Variants in ALOXE3 observed in about 807,000 individuals in gnomAD.
The protein encoded by ALOXE3 is arachidonate epidermal lipoxygenase 3.
ALOXE3 carries 78 observed loss-of-function variants against 87.5 expected under a neutral mutation model. The ratio of observed to expected loss-of-function variants is 0.89; its 90% CI spans 0.74 to 1.08. The LOEUF is 1.08. Among genes scored for constraint, ALOXE3 ranks in the 50% least tolerant of loss-of-function variants. The probability of loss-of-function intolerance (pLI) is 0.00; values close to 1 mark genes in which losing one functional copy is unlikely to be tolerated. For synonymous variants in ALOXE3, 363 were observed against 370.8 expected (o/e 0.98, Z 0.24); for missense variants, 946 against 912.4 (o/e 1.04, Z -0.47).
At chr17:8,118,791 A>G (rs1223139599), upstream of ALOXE3, 6 of 1,536,940 alleles carry the variant, frequency 3.9e-6, no homozygotes, top group African/African-American at 4.1e-5. Flanking sequence ...TTTCCGCTCC[A>G]GGACCGCCCT....
chr17:8,097,209 A>G (rs756411012), intron 15 of ALOXE3, among the ~76,000 whole-genome samples: 16 of 152,102 alleles, frequency 1.1e-4, no homozygotes, highest in Non-Finnish European at 2.2e-4. Flanking sequence ...AGCCCACTGC[A>G]GCCTCAAACT....
At chr17:8,118,901 C>T, upstream of ALOXE3, 1 of 1,473,228 alleles carries the variant, frequency 6.8e-7, no homozygotes, top group Non-Finnish European at 8.9e-7. Flanking sequence ...CGCAGCGGCC[C>T]CGCGCGGCCG....
At chr17:8,108,697 G>C in intron 12 of ALOXE3, 108 bp from the exon 13 acceptor site, 1 of 1,498,826 alleles carries the variant, frequency 6.7e-7, no homozygotes, top group South Asian at 1.1e-5. Context: ...TAGCCATGGG[G>C]GTTCAGCAGG....
intron 6 of ALOXE3, 88 bp downstream of exon 6, chr17:8,114,396 A>C: frequency 6.3e-7 from 1 of 1,579,338 alleles, no homozygotes; most frequent in Admixed American, 1.7e-5. Context: ...GGATACTGGG[A>C]ATAGGGAGAA....
intron 7 of ALOXE3, 61 bp from the exon 8 acceptor site, chr17:8,111,592 C>G: frequency 6.4e-7 from 1 of 1,572,420 alleles, no homozygotes; most frequent in Non-Finnish European, 8.7e-7. Flanking sequence ...CCTAGTCCTG[C>G]CAAGTCCTTT....
intron 13 of ALOXE3, among the ~76,000 whole-genome samples, chr17:8,107,875 A>G (rs867728906): frequency 0.023 from 77 of 3,308 alleles, 3 homozygotes; most frequent in Non-Finnish European, 0.05. Flanking sequence ...GAAAGAAAGA[A>G]AGAAAGAAAG....
At chr17:8,114,003 C>T (rs903690315) in intron 6 of ALOXE3, among the ~76,000 whole-genome samples, 47 of 144,886 alleles carry the variant, frequency 3.2e-4, no homozygotes, top group South Asian at 8.7e-4. Flanking sequence ...CCAGCCTGGG[C>T]GACAGGAGTG....
intron 15 of ALOXE3, among the ~76,000 whole-genome samples, chr17:8,099,809 C>T (rs962701736): frequency 6.6e-6 from 1 of 152,100 alleles, no homozygotes; most frequent in Non-Finnish European, 1.5e-5. Context: ...GTGGCTCACA[C>T]CTATAATCCC....
intron 13 of ALOXE3, among the ~76,000 whole-genome samples, chr17:8,104,510 T>A (rs1394952975): frequency 6.6e-6 from 1 of 152,232 alleles, no homozygotes; most frequent in East Asian, 1.9e-4. Flanking sequence ...TCCAAGGCAC[T>A]TCAATCTGCA....
chr17:8,107,810 C>A (rs57230550), intron 13 of ALOXE3, among the ~76,000 whole-genome samples: 11,856 of 30,854 alleles, frequency 0.38, 2,479 homozygotes, highest in Non-Finnish European at 0.44. Flanking sequence ...AAAAAAAAAA[C>A]AAGAAAGAAA....
At chr17:8,108,978 C>T (rs1418387674) in intron 12 of ALOXE3, among the ~76,000 whole-genome samples, 196 bp downstream of exon 12, 1 of 152,204 alleles carries the variant, frequency 6.6e-6, no homozygotes, top group Non-Finnish European at 1.5e-5. Context: ...TGCATCCACA[C>T]ACCCCCAAGC....
intron 15 of ALOXE3, among the ~76,000 whole-genome samples, chr17:8,101,237 A>G (rs1978904494): frequency 6.6e-6 from 1 of 152,130 alleles, no homozygotes; most frequent in South Asian, 2.1e-4. Context: ...CATGTTGGCC[A>G]GGCTGATCTC....
At position 8,109,233 on chromosome 17, in the gene ALOXE3, C is replaced by T. The variant is rs145838099; in HGVS notation, c.1503G>A (p.Leu501=). 2 of 1,614,088 alleles carry T rather than the reference C, an allele frequency of 1.2e-6. No individual in the cohort carries two copies. The highest frequency in any genetic ancestry group is 2.2e-5 in the South Asian group (2 of 91,090). Residue 501 remains leucine (L), a synonymous_variant, in exon 12 of 16, where the codon CTG becomes CTA. Coordinates refer to ENST00000448843, the MANE Select transcript of ALOXE3 (RefSeq NM_021628.3). ...LPDSLRARGV[L]AIPNYHYRDD... Reference sequence around the variant, plus strand: ...CTCGGTAGTGGTAGTTGGGGATAGCCAGGACGCCGCGGGCCCGCAGGCTGT... The same window carrying T: ...CTCGGTAGTGGTAGTTGGGGATAGCTAGGACGCCGCGGGCCCGCAGGCTGT...
chr17:8,099,640 G>C (rs1027142417), intron 15 of ALOXE3, among the ~76,000 whole-genome samples: 3 of 150,380 alleles, frequency 2.0e-5, no homozygotes, highest in Admixed American at 6.6e-5. Context: ...TAGCCTGGGT[G>C]ACGGAGTGAG....
rs1489788269 is a variant in ALOXE3, at chr17:8,111,519, T to C, written c.797A>G (p.Glu266Gly). The C allele has an allele frequency of 4.3e-6, 7 of 1,614,084 alleles. No individual in the cohort carries two copies. Residue 266 changes from glutamate to glycine, a missense_variant, in exon 8 of 16, where the codon GAG becomes GGG. Physicochemically the swap from Glu to Gly is moderately conservative, Grantham distance 98. Coordinates refer to ENST00000448843, the MANE Select transcript of ALOXE3 (RefSeq NM_021628.3). ...HKTFTTKYVT[E>G]HWCEDHFFGY... ...AAAGAAGTGATCTTCACACCAGTGC[T>C]CTGTGACATACTCTGGGATACAAGA...
intron 4 of ALOXE3, 146 bp downstream of exon 4, chr17:8,115,457 GTCAC>G: frequency 1.3e-6 from 1 of 794,094 alleles, no homozygotes; most frequent in Non-Finnish European, 2.2e-6. Flanking sequence ...CAGATTCAGG[GTCAC>G]TATTAAAGTG....
rs1980766231 is a variant in ALOXE3, at chr17:8,118,028, C to T, written c.-38G>A. ...GAAGGGATGCCCCGGCAACGCTGGC[C>T]GCAGCAGCAGCCGGCCTGGAGGAGA... On this transcript the variant is annotated 5_prime_UTR_variant, in exon 2 of 16. Transcript: ENST00000448843. 8.1e-6 allele frequency: 13 copies of T among 1,603,834 alleles called. No individual in the cohort carries two copies. The highest frequency in any genetic ancestry group is 1.3e-5 in the African/African-American group (1 of 74,840).
chr17:8,108,055 G>GAAAGAAAGA, intron 13 of ALOXE3, among the ~76,000 whole-genome samples: 1 of 149,844 alleles, frequency 6.7e-6, no homozygotes, highest in East Asian at 2.0e-4. Flanking sequence ...AAGAAAGAAA[G>GAAAGAAAGA]AAAGAAAGAA....
In ALOXE3 at chr17:8,096,411, C is replaced by A; in HGVS notation, c.*216G>T. On this transcript the variant is annotated 3_prime_UTR_variant, in exon 16 of 16. Transcript: ENST00000448843. ...CTATTGTGCATTGGACTTTGGTCAGCGGCTTTTAACCTGGACGCTGCTGTG... is the reference window on the plus strand; with the variant it reads ...CTATTGTGCATTGGACTTTGGTCAGAGGCTTTTAACCTGGACGCTGCTGTG... 1 of 577,354 alleles carries A rather than the reference C, an allele frequency of 1.7e-6. No individual in the cohort carries two copies. The highest frequency in any genetic ancestry group is 2.9e-5 in the East Asian group (1 of 34,192). The allele number at this position is 577,354 out of a possible 1,614,324, so 35.8% of individuals were successfully genotyped here. A position where few individuals can be genotyped will look rare whatever the true frequency, so the allele number is the denominator to read the frequency against.
Sources: allele counts gnomAD v4.1 joint callset (sites outside exome capture counted in the v4.1 genomes callset), GRCh38; gene constraint gnomAD v4.1.1; transcripts MANE v1.5; gene names NCBI Gene and HGNC (gene_info 2026-07-23, HGNC 2026-07-21).